The following STAU1 variants were observed in gnomAD, a reference collection of about 807,000 sequenced individuals.
The protein encoded by STAU1 is double-stranded RNA-binding protein Staufen homolog 1.
Under a neutral mutation model 62.9 loss-of-function variants are expected in STAU1, and 13 were observed. The ratio of observed to expected loss-of-function variants is 0.21; its 90% CI spans 0.13 to 0.33. The LOEUF (loss-of-function observed/expected upper bound fraction) is 0.33, where lower values mean the gene tolerates loss of function less well. STAU1 is among the 10% of genes least tolerant of loss of function. The pLI is 1.00. For synonymous variants in STAU1, 269 were observed against 265.1 expected (o/e 1.01, Z -0.14); for missense variants, 571 against 712.1 (o/e 0.80, Z 2.25).
At chr20:49,142,652 G>A (rs899417918) in intron 5 of STAU1, among the ~76,000 whole-genome samples, 3 of 152,000 alleles carry the variant, frequency 2.0e-5, no homozygotes, top group African/African-American at 7.3e-5. Flanking sequence ...TATAGTATTT[G>A]TTTATTTTTT....
chr20:49,194,724 G>A, the STAU1 span, among the ~76,000 whole-genome samples: 3,720 of 152,014 alleles, frequency 0.024, 61 homozygotes, highest in Non-Finnish European at 0.037. Context: ...GATTACAGGC[G>A]CACACCACTA....
Position 49,114,722 on chromosome 20 carries a change from T to C in STAU1, c.*156A>G. ...GTCCAGCCCGGCCACAGCCGCCTCC[T>C]TGTGTTTCTGTTGTCTTCCCTGCTG... is the stretch of plus-strand genomic sequence containing the variant. On this transcript the variant is annotated 3_prime_UTR_variant, in exon 14 of 14. Coordinates refer to ENST00000371856, the MANE Select transcript of STAU1 (RefSeq NM_017453.4). 1 of 729,806 alleles carries C rather than the reference T, an allele frequency of 1.4e-6. No individual in the cohort carries two copies. Among genetic ancestry groups the C allele is most frequent in the Non-Finnish European group, 2.4e-6 (1 of 425,294 alleles). The allele number at this position is 729,806 out of a possible 1,614,324, so 45.2% of individuals were successfully genotyped here.
At chr20:49,155,951 C>G (rs1476862160) in intron 3 of STAU1, among the ~76,000 whole-genome samples, 1 of 152,172 alleles carries the variant, frequency 6.6e-6, no homozygotes, top group Non-Finnish European at 1.5e-5. Flanking sequence ...TCTGCTAAAA[C>G]AGCCATTAAT....
chr20:49,189,158 GCGC>G (rs1484446932), upstream of STAU1, among the ~76,000 whole-genome samples: 1 of 117,028 alleles, frequency 8.5e-6, no homozygotes, highest in Non-Finnish European at 1.7e-5. Flanking sequence ...AGCTGAGATC[GCGC>G]CGCTGCACTC....
chr20:49,206,284 G>A, the STAU1 span, among the ~76,000 whole-genome samples: 4 of 151,168 alleles, frequency 2.6e-5, no homozygotes, highest in South Asian at 2.1e-4. Context: ...GTGAGCCACC[G>A]CACCCGGCCA....
chr20:49,118,282 G>T, intron 10 of STAU1, 51 bp downstream of exon 10: 1 of 1,545,908 alleles, frequency 6.5e-7, no homozygotes, highest in Non-Finnish European at 8.9e-7. Flanking sequence ...CAGGACCCAT[G>T]CAAATCCCAG....
chr20:49,128,773 C>CGAAAAAAAAA (rs1568839998), intron 6 of STAU1, among the ~76,000 whole-genome samples: 1 of 102,678 alleles, frequency 9.7e-6, no homozygotes, highest in Non-Finnish European at 2.0e-5. Context: ...CATCCAAATC[C>CGAAAAAAAAA]AAAAAAAAAA....
At chr20:49,153,571 C>T (rs1360519874) in intron 4 of STAU1, among the ~76,000 whole-genome samples, 2 of 148,430 alleles carry the variant, frequency 1.3e-5, no homozygotes, top group Non-Finnish European at 3.0e-5. Context: ...ATCAGCCAGG[C>T]GTGGTGGCAG....
At chr20:49,186,227 T>A (rs2093785626) in intron 1 of STAU1, among the ~76,000 whole-genome samples, 1 of 150,824 alleles carries the variant, frequency 6.6e-6, no homozygotes, top group Non-Finnish European at 1.5e-5. Context: ...GCGTCTGTAA[T>A]CCCAGCTACT....
At chr20:49,175,450 T>C (rs2093647332) in intron 1 of STAU1, among the ~76,000 whole-genome samples, 1 of 152,198 alleles carries the variant, frequency 6.6e-6, no homozygotes, top group Non-Finnish European at 1.5e-5. Flanking sequence ...ATGAGAGTAA[T>C]ATGAATATCT....
chr20:49,183,432 G>A (rs1432027949), intron 1 of STAU1, among the ~76,000 whole-genome samples: 1 of 152,194 alleles, frequency 6.6e-6, no homozygotes, highest in Non-Finnish European at 1.5e-5. Flanking sequence ...GAGGTGGGAA[G>A]ATGACTTGAG....
chr20:49,193,101 G>C (rs1240423471), upstream of STAU1, among the ~76,000 whole-genome samples: 1 of 152,152 alleles, frequency 6.6e-6, no homozygotes, highest in Non-Finnish European at 1.5e-5. Context: ...TCAAGGCTGG[G>C]TGCAGTGACT....
At chr20:49,195,898 C>CAAAAAAAAAAA in the STAU1 span, among the ~76,000 whole-genome samples, 1 of 33,880 alleles carries the variant, frequency 3.0e-5, no homozygotes, top group Non-Finnish European at 5.1e-5. Flanking sequence ...AACTTCCTCT[C>CAAAAAAAAAAA]AAAAAAAAAA....
At chr20:49,170,439 C>T (rs1256679707) in intron 2 of STAU1, among the ~76,000 whole-genome samples, 1 of 152,180 alleles carries the variant, frequency 6.6e-6, no homozygotes, top group Non-Finnish European at 1.5e-5. Flanking sequence ...TAACCTCTGC[C>T]TCCCAGGTTC....
chr20:49,120,478 C>T (rs2092441229), intron 8 of STAU1, among the ~76,000 whole-genome samples: 1 of 152,158 alleles, frequency 6.6e-6, no homozygotes, highest in Non-Finnish European at 1.5e-5. Flanking sequence ...TACATCTATT[C>T]CCAGCATTGC....
the STAU1 span, among the ~76,000 whole-genome samples, chr20:49,204,602 A>ATG: frequency 2.3e-5 from 1 of 43,484 alleles, no homozygotes; most frequent in Non-Finnish European, 5.0e-5. Flanking sequence ...TTATATATAT[A>ATG]TATATATATA....
At position 49,149,294 on chromosome 20, in the gene STAU1, G is replaced by C. The variant is rs922468425; in HGVS notation, c.510+2288C>G. ...CACACACACACACACACACACACCA[G>C]CAAGAACAACAAAAGCAGGGAGAGA... On this transcript the variant is annotated intron_variant, in intron 5 of 13. Transcript: ENST00000371856. Among the ~76,000 whole-genome samples the C allele has an allele frequency of 1.4e-4, 11 of 78,986 alleles. No homozygotes were observed. The East Asian group carries it at 3.7e-3, about 27-fold the overall frequency. The allele number at this position is 78,986 out of a possible 152,430, so 51.8% of individuals were successfully genotyped here.
chr20:49,178,216 ATT>A (rs1337941218), intron 1 of STAU1, among the ~76,000 whole-genome samples: 1 of 152,186 alleles, frequency 6.6e-6, no homozygotes, highest in Non-Finnish European at 1.5e-5. Flanking sequence ...ATGCAAATCT[ATT>A]TTTTGAAATC....
rs2092373442 is a variant in STAU1, at chr20:49,118,062, T to C, written c.1224A>G (p.Leu408=). ...NKEDEFRMPY[L]SHQQLPAGIL... Reference sequence around the variant, plus strand: ...TTCCAGCAGGCAGCTGCTGATGACTTAGATAAGGCATCCTGAACTCATCCT... The same window carrying C: ...TTCCAGCAGGCAGCTGCTGATGACTCAGATAAGGCATCCTGAACTCATCCT... Residue 408 remains leucine, a synonymous_variant, in exon 11 of 14, where the codon CTA becomes CTG. Transcript: ENST00000371856. The C allele has an allele frequency of 6.2e-7, 1 of 1,614,014 alleles. No individual in the cohort carries two copies. The highest frequency in any genetic ancestry group is 1.7e-5 in the Admixed American group (1 of 59,988).
Sources: allele counts gnomAD v4.1 joint callset (sites outside exome capture counted in the v4.1 genomes callset), GRCh38; gene constraint gnomAD v4.1.1; transcripts MANE v1.5; gene names NCBI Gene and HGNC (gene_info 2026-07-23, HGNC 2026-07-21).